ADRA1A: variants seen among roughly 807,000 people sequenced by gnomAD.
ADRA1A encodes alpha-1A adrenergic receptor.
A neutral mutation model predicts 29.6 loss-of-function variants in ADRA1A; 31 were observed. The observed-to-expected ratio is 1.05, with a 90% CI of 0.79 to 1.41. ADRA1A has a LOEUF of 1.41. ADRA1A is among the 40% of genes most tolerant of loss of function. ADRA1A has a pLI of 0.00. For synonymous variants in ADRA1A, 311 were observed against 254.3 expected (o/e 1.22, Z -2.12); for missense variants, 619 against 601.1 (o/e 1.03, Z -0.31).
intron 2 of ADRA1A, among the ~76,000 whole-genome samples, chr8:26,817,533 C>G (rs1421411445): frequency 6.6e-6 from 1 of 152,196 alleles, no homozygotes; most frequent in African/African-American, 2.4e-5. Flanking sequence ...AATCCCAGCA[C>G]TTTGGGAGGA....
In ADRA1A at chr8:26,864,989, C is replaced by T. The variant is rs527441244; in HGVS notation, c.-20G>A. On this transcript the variant is annotated 5_prime_UTR_variant, in exon 2 of 3. Coordinates refer to ENST00000380573, the MANE Select transcript of ADRA1A (RefSeq NM_000680.4). This position sits in a 1 kb window ranked among gnomAD's most constrained non-coding sequence, Gnocchi z 8.1. ...CACCATGGTCCCAGCCGGGGCCGGG[C>T]GAGGTCCGGCTGTCCAGGGCCACCT... 17 of 1,572,868 alleles carry T rather than the reference C, an allele frequency of 1.1e-5. No homozygotes were observed. Among genetic ancestry groups the T allele is most frequent in the Middle Eastern group, 1.7e-4 (1 of 5,886 alleles).
chr8:26,810,462 T>C (rs1401498806), intron 2 of ADRA1A, among the ~76,000 whole-genome samples: 2 of 152,178 alleles, frequency 1.3e-5, no homozygotes, highest in African/African-American at 4.8e-5. Flanking sequence ...TAATGGAGAA[T>C]AAAATGGAGA....
chr8:26,752,663 G>C (rs1437687296), downstream of ADRA1A, among the ~76,000 whole-genome samples: 1 of 152,122 alleles, frequency 6.6e-6, no homozygotes, highest in African/African-American at 2.4e-5. Flanking sequence ...TTTCTTTTTA[G>C]CTCCTGTATT....
intron 2 of ADRA1A, 152 bp downstream of exon 2, chr8:26,863,935 T>A: frequency 1.3e-6 from 1 of 797,130 alleles, no homozygotes; most frequent in Non-Finnish European, 1.9e-6. Context: ...AAATTCACTT[T>A]TCTACAAGGG....
chr8:26,852,829 C>T (rs899978694), intron 2 of ADRA1A, among the ~76,000 whole-genome samples: 8 of 152,116 alleles, frequency 5.3e-5, no homozygotes, highest in Middle Eastern at 3.4e-3. Flanking sequence ...TTAACATAAA[C>T]GTGCTACCAA....
intron 2 of ADRA1A, among the ~76,000 whole-genome samples, chr8:26,858,054 A>G (rs1016319213): frequency 2.0e-5 from 3 of 152,216 alleles, no homozygotes; most frequent in African/African-American, 7.2e-5. Flanking sequence ...TGATAAATCC[A>G]CTGCCAGCTG....
chr8:26,828,487 T>C (rs1810747728), intron 2 of ADRA1A, among the ~76,000 whole-genome samples: 1 of 152,174 alleles, frequency 6.6e-6, no homozygotes, highest in South Asian at 2.1e-4. Context: ...CCTTCCTCAG[T>C]CATTAACACC....
rs1194036876 is a variant in ADRA1A at position 26,796,898 on chromosome 8, A to G, written c.884-26232T>C. Among the ~76,000 whole-genome samples the G allele has an allele frequency of 6.6e-6, 1 of 152,148 alleles. No individual in the cohort carries two copies. Among genetic ancestry groups the G allele is most frequent in the Non-Finnish European group, 1.5e-5 (1 of 68,006 alleles). ...ACATATTGGAGAGGTTTATTCCCTC[A>G]CTGCGCAAATTTTTATAGAGATGAG... On this transcript the variant is annotated intron_variant, in intron 2 of 2. Transcript: ENST00000380573. This position sits in a 1 kb window ranked among gnomAD's most constrained non-coding sequence, Gnocchi z 5.0.
At chr8:26,816,533 A>G (rs867867139) in intron 2 of ADRA1A, among the ~76,000 whole-genome samples, 1,819 of 147,618 alleles carry the variant, frequency 0.012, 56 homozygotes, top group African/African-American at 0.04. Context: ...CTCATGGTGT[A>G]TGTGTGTGTG....
intron 2 of ADRA1A, among the ~76,000 whole-genome samples, chr8:26,774,650 G>A (rs1316660099): frequency 3.3e-5 from 5 of 151,432 alleles, no homozygotes; most frequent in Non-Finnish European, 7.4e-5. Flanking sequence ...CATGGGCAAC[G>A]GGAGTGAACC....
At chr8:26,789,286 C>G (rs1807639036) in intron 2 of ADRA1A, among the ~76,000 whole-genome samples, 1 of 152,162 alleles carries the variant, frequency 6.6e-6, no homozygotes, top group Non-Finnish European at 1.5e-5. Context: ...GTGATCAAAA[C>G]AGCATGGTAC....
intron 2 of ADRA1A, among the ~76,000 whole-genome samples, chr8:26,812,449 A>G (rs1249632063): frequency 1.3e-5 from 2 of 152,154 alleles, no homozygotes; most frequent in Non-Finnish European, 2.9e-5. Flanking sequence ...TCTTAAGGAT[A>G]TATGCTTATT....
In ADRA1A at chr8:26,770,155, T is replaced by G; in HGVS notation, c.1395A>C (p.Glu465Asp). The G allele has an allele frequency of 6.5e-7, 1 of 1,547,318 alleles. No homozygotes were observed. Among genetic ancestry groups the G allele is most frequent in the African/African-American group, 1.4e-5 (1 of 73,018 alleles). ...HTISLSENGE[E>D]V ...CCTCTGCATCTTTCCTGTCCTAGAC[T>G]TCCTCCCCGTTCTCACTGAGGGAGA... Residue 465 changes from glutamate (E) to aspartate (D), a missense_variant, in exon 3 of 3, where the codon GAA becomes GAC. Glu to Asp is a conservative substitution (Grantham distance 45, BLOSUM62 2). Coordinates refer to ENST00000380573, the MANE Select transcript of ADRA1A (RefSeq NM_000680.4).
At chr8:26,837,953 T>C (rs1383372923) in intron 2 of ADRA1A, among the ~76,000 whole-genome samples, 1 of 152,204 alleles carries the variant, frequency 6.6e-6, no homozygotes, top group Non-Finnish European at 1.5e-5. Flanking sequence ...AGAATTGTCT[T>C]TTAGTGATTG....
intron 2 of ADRA1A, chr8:26,748,839 C>G (rs1388491138): frequency 2.7e-6 from 1 of 365,414 alleles, no homozygotes; most frequent in Admixed American, 3.7e-5. Context: ...GTGGTTTCAC[C>G]CTCCCAGCTT....
At chr8:26,856,277 C>T (rs769918358) in intron 2 of ADRA1A, among the ~76,000 whole-genome samples, 18 of 152,166 alleles carry the variant, frequency 1.2e-4, no homozygotes, top group South Asian at 2.1e-4. Context: ...TTAAATGGCA[C>T]GGTAGAAGGA....
chr8:26,789,140 C>T (rs540756120), intron 2 of ADRA1A, among the ~76,000 whole-genome samples: 2 of 151,768 alleles, frequency 1.3e-5, no homozygotes, highest in Non-Finnish European at 2.9e-5. Flanking sequence ...TGTGATGTTC[C>T]CCTAAATTGT....
intron 2 of ADRA1A, among the ~76,000 whole-genome samples, chr8:26,773,114 T>C (rs1298664953): frequency 2.6e-5 from 4 of 152,184 alleles, no homozygotes; most frequent in Non-Finnish European, 1.5e-5. Context: ...GCTTAATGAG[T>C]TTGAGTAGCT....
At chr8:26,844,591 T>C (rs940587865) in intron 2 of ADRA1A, among the ~76,000 whole-genome samples, 8 of 152,286 alleles carry the variant, frequency 5.3e-5, no homozygotes, top group East Asian at 3.9e-4. Flanking sequence ...CTATGATCAG[T>C]TGAATTTCGA....
Sources: gnomAD v4.1 joint callset for allele counts (sites outside exome capture counted in the v4.1 genomes callset) on GRCh38, gnomAD v4.1.1 for gene constraint, Gnocchi (gnomAD v3.1) non-coding constraint, MANE v1.5 for transcripts, NCBI Gene and HGNC (gene_info 2026-07-23, HGNC 2026-07-21) for gene names.